ELP3: variants seen among roughly 807,000 people sequenced by gnomAD.
The protein encoded by ELP3 is elongator acetyltransferase complex subunit 3.
A neutral mutation model predicts 74.9 loss-of-function variants in ELP3; 56 were observed. That is an observed-to-expected ratio of 0.75 (90% CI 0.60 to 0.93). The LOEUF is 0.93. Ranked by LOEUF, ELP3 falls within the 40% of genes least tolerant of loss-of-function variation. The probability of loss-of-function intolerance (pLI) is 0.00; values close to 1 mark genes in which losing one functional copy is unlikely to be tolerated. For missense variants in ELP3, 573 were observed against 686.5 expected, an observed-to-expected ratio of 0.83 and a Z score of 1.85; for synonymous variants, 222 against 239.8, an observed-to-expected ratio of 0.93 and a Z score of 0.68.
At position 28,146,424 on chromosome 8, in the gene ELP3, G is replaced by A. The variant is rs567656558; in HGVS notation, c.1100+8533G>A. Among the ~76,000 whole-genome samples, 22 of 152,338 alleles carry A rather than the reference G, an allele frequency of 1.4e-4. No homozygotes were observed. The South Asian group carries it at 3.9e-3, about 27-fold the overall frequency. On this transcript the variant is annotated intron_variant, in intron 10 of 14. Transcript: ENST00000256398. ...CCTAGACATCACTTGAAAGGTTTCT[G>A]ATGAGCAAATTGCAAATATCAGCAC...
chr8:28,179,495 T>G (rs936831003), intron 14 of ELP3, among the ~76,000 whole-genome samples: 3 of 152,202 alleles, frequency 2.0e-5, no homozygotes, highest in Admixed American at 1.3e-4. Flanking sequence ...TGGAAGACAA[T>G]TTTTCCACAG....
intron 11 of ELP3, among the ~76,000 whole-genome samples, chr8:28,156,617 G>A (rs1467149596): frequency 1.3e-5 from 2 of 152,180 alleles, no homozygotes; most frequent in African/African-American, 2.4e-5. Flanking sequence ...ACTTCTTAGA[G>A]CTGCTAAAGG....
chr8:28,146,108 TA>T (rs1321529290), intron 10 of ELP3, among the ~76,000 whole-genome samples: 1 of 152,210 alleles, frequency 6.6e-6, no homozygotes, highest in Non-Finnish European at 1.5e-5. Context: ...AGACTATTTA[TA>T]CTTTTTAGTT....
chr8:28,169,815 A>AT (rs1320033195), intron 14 of ELP3, among the ~76,000 whole-genome samples: 1 of 152,116 alleles, frequency 6.6e-6, no homozygotes, highest in Non-Finnish European at 1.5e-5. Context: ...GAGCTGAAGG[A>AT]TCCCCTCCCA....
chr8:28,186,492 G>A (rs1326427078), intron 14 of ELP3, among the ~76,000 whole-genome samples: 1 of 152,158 alleles, frequency 6.6e-6, no homozygotes, highest in Non-Finnish European at 1.5e-5. Context: ...GCCCCCGTCC[G>A]AAATTACCTT....
chr8:28,174,395 A>G (rs1056920980), intron 14 of ELP3, among the ~76,000 whole-genome samples: 1 of 152,082 alleles, frequency 6.6e-6, no homozygotes, highest in Admixed American at 6.6e-5. Flanking sequence ...GTTTTGTCTG[A>G]TAATATAATC....
chr8:28,183,046 C>A, intron 14 of ELP3: 1 of 437,882 alleles, frequency 2.3e-6, no homozygotes. Flanking sequence ...CATCCCAGAG[C>A]AAGCAGTGTC....
intron 7 of ELP3, among the ~76,000 whole-genome samples, chr8:28,123,825 G>C (rs1812466562): frequency 1.2e-5 from 1 of 84,536 alleles, no homozygotes; most frequent in African/African-American, 7.2e-5. Flanking sequence ...TGTTAATTTA[G>C]CCGTCATGTG....
At chr8:28,144,901 G>A (rs1055520184) in intron 10 of ELP3, among the ~76,000 whole-genome samples, 1 of 152,182 alleles carries the variant, frequency 6.6e-6, no homozygotes, top group African/African-American at 2.4e-5. Context: ...AATTAGCTGA[G>A]TGTGGTGGTG....
At chr8:28,110,749 G>T in intron 6 of ELP3, 1 of 256,968 alleles carries the variant, frequency 3.9e-6, no homozygotes, top group Non-Finnish European at 7.4e-6. Context: ...GACAATGGGT[G>T]GGTGTGTTGA....
intron 10 of ELP3, among the ~76,000 whole-genome samples, chr8:28,142,781 T>C (rs985078331): frequency 3.3e-5 from 5 of 152,234 alleles, no homozygotes; most frequent in African/African-American, 1.2e-4. Context: ...CATAGTATTT[T>C]CCATTTTGTT....
At chr8:28,148,050 G>A (rs903774707) in intron 10 of ELP3, among the ~76,000 whole-genome samples, 3 of 152,110 alleles carry the variant, frequency 2.0e-5, no homozygotes, top group Admixed American at 6.5e-5. Flanking sequence ...TAGGAAAGAA[G>A]GGAAAAGTCT....
At chr8:28,095,708 C>T (rs984964412) in intron 1 of ELP3, among the ~76,000 whole-genome samples, 2 of 152,178 alleles carry the variant, frequency 1.3e-5, no homozygotes, top group African/African-American at 2.4e-5. Context: ...CTGCTGTTTA[C>T]GATAGCTTGT....
At chr8:28,126,203 AG>A (rs1457505750) in intron 7 of ELP3, among the ~76,000 whole-genome samples, 4 of 152,056 alleles carry the variant, frequency 2.6e-5, no homozygotes, top group African/African-American at 9.7e-5. Flanking sequence ...CTGAGGGTGG[AG>A]GGGTTCTGGG....
chr8:28,127,326 T>G (rs1326885155), intron 7 of ELP3, among the ~76,000 whole-genome samples: 3 of 152,346 alleles, frequency 2.0e-5, no homozygotes, highest in Admixed American at 6.5e-5. Context: ...CCCAGTGATG[T>G]AAGCTACTAT....
At position 28,099,894 on chromosome 8, in the gene ELP3, T is replaced by C; in HGVS notation, c.186T>C (p.Ala62=). The part of the protein sequence containing the change: ...SAQPRLVDII[A]AVPPQYRKVL... ...AGCCCCGCCTGGTGGATATCATTGC[T>C]GCCGTCCCTCCTCAGTATCGCAAGG... The change falls in exon 3 of 15, where the codon GCT becomes GCC. Residue 62 remains alanine (A), a synonymous_variant. Coordinates refer to ENST00000256398, the MANE Select transcript of ELP3 (RefSeq NM_018091.6). 2 of 1,614,226 alleles carry C rather than the reference T, an allele frequency of 1.2e-6. No individual in the cohort carries two copies. The highest frequency in any genetic ancestry group is 1.7e-6 in the Non-Finnish European group (2 of 1,180,048).
chr8:28,174,398 A>G (rs1409452847), intron 14 of ELP3, among the ~76,000 whole-genome samples: 2 of 152,046 alleles, frequency 1.3e-5, no homozygotes, highest in African/African-American at 4.8e-5. Flanking sequence ...TTGTCTGATA[A>G]TATAATCACT....
intron 10 of ELP3, among the ~76,000 whole-genome samples, chr8:28,145,314 G>A (rs1256501809): frequency 6.6e-6 from 1 of 152,182 alleles, no homozygotes; most frequent in African/African-American, 2.4e-5. Context: ...TTAGTCTTAA[G>A]ACTACAGTTA....
rs763484686 is a variant in ELP3, at chr8:28,158,553, A to T, written c.1192-15A>T. On this transcript the variant is annotated splice_polypyrimidine_tract_variant and intron_variant, in intron 11 of 14. Transcript: ENST00000256398. ...CCCACCCCCCAACCCCGCTCACGCC[A>T]TTTTTTTTTGACAGTGTCGAGATGT... The T allele has an allele frequency of 2.4e-4, 329 of 1,386,124 alleles. No homozygotes were observed. The highest frequency in any genetic ancestry group is 3.0e-4 in the Non-Finnish European group (307 of 1,033,524). The allele number at this position is 1,386,124 out of a possible 1,614,324, so 85.9% of individuals were successfully genotyped here. A position where few individuals can be genotyped will look rare whatever the true frequency, so the allele number is the denominator to read the frequency against.
Sources: gnomAD v4.1 joint callset for allele counts (sites outside exome capture counted in the v4.1 genomes callset) on GRCh38, gnomAD v4.1.1 for gene constraint, MANE v1.5 for transcripts, NCBI Gene and HGNC (gene_info 2026-07-23, HGNC 2026-07-21) for gene names.